CUX1: variants seen among roughly 807,000 people sequenced by gnomAD.
The protein encoded by CUX1 is protein CASP.
CUX1 carries 31 observed loss-of-function variants against 158.8 expected under a neutral mutation model. That is an observed-to-expected ratio of 0.20 (90% CI 0.15 to 0.26). CUX1 has a LOEUF of 0.26. CUX1 is among the 10% of genes least tolerant of loss of function. The pLI is 1.00. For synonymous variants in CUX1, 879 were observed against 862.1 expected (o/e 1.02, Z -0.34); for missense variants, 1,589 against 2,014.6 (o/e 0.79, Z 4.04).
chr7:102,101,807 G>A (rs1829801734), intron 5 of CUX1, among the ~76,000 whole-genome samples: 1 of 152,122 alleles, frequency 6.6e-6, no homozygotes. Context: ...AGCTCTTCGG[G>A]AGACTGAGGC....
intron 2 of CUX1, among the ~76,000 whole-genome samples, chr7:102,004,717 C>T (rs1388691884): frequency 6.6e-6 from 1 of 152,176 alleles, no homozygotes; most frequent in African/African-American, 2.4e-5. Flanking sequence ...GTTCCTTCCA[C>T]GTGGTCTGAT....
intron 2 of CUX1, among the ~76,000 whole-genome samples, chr7:101,986,438 C>A (rs1814304706): frequency 3.3e-5 from 5 of 152,202 alleles, no homozygotes; most frequent in Admixed American, 1.3e-4. Flanking sequence ...GAAACCTGTT[C>A]GTCTCATGAC....
Position 102,097,460 on chromosome 7 carries a change from T to G in CUX1, c.365T>G (p.Leu122Arg). ...ETENQKLRET[L>R]EEYNKEFAEV... ...GAGAACCAGAAACTTAGGGAAACTC[T>G]GGAAGAATACAACAAGGAATTTGCT... The change falls in exon 5 of 24, where the codon CTG (leucine) becomes CGG (arginine). Residue 122 changes from leucine (L) to arginine (R), a missense_variant. Leu to Arg is a moderately radical substitution (Grantham distance 102, BLOSUM62 -2). This residue lies in a region of CUX1 where 515 missense variants were observed against 574.4 expected (regional missense o/e 0.90). Transcript: ENST00000292535. The G allele has an allele frequency of 6.2e-7, 1 of 1,613,164 alleles. No individual in the cohort carries two copies.
chr7:102,201,888 G>A lies in CUX1; in HGVS notation c.2591G>A (p.Arg864Gln), dbSNP rs748035791. The A allele has an allele frequency of 1.6e-5, 26 of 1,613,728 alleles. No homozygotes were observed. The highest frequency in any genetic ancestry group is 1.7e-5 in the Non-Finnish European group (20 of 1,179,930). ...GGCAGCGGAGGTGGCAGCCAGCCTC[G>A]GGCCGAGCGCAGTCAGCTCCAGGGA... The part of the protein sequence containing the change: ...SGGSGGGSQP[R>Q]AERSQLQGPS... Residue 864 changes from arginine (R) to glutamine (Q), a missense_variant, in exon 18 of 24, where the codon CGG (arginine) becomes CAG (glutamine). By Grantham distance (43) the Arg-to-Gln change is conservative (BLOSUM62 1). Transcript: ENST00000292535. The surrounding 1 kb of genome is among the most constrained non-coding windows in gnomAD (Gnocchi z 5.0).
chr7:102,150,935 T>C (rs1225011727), intron 8 of CUX1, among the ~76,000 whole-genome samples: 1 of 152,246 alleles, frequency 6.6e-6, no homozygotes, highest in Non-Finnish European at 1.5e-5. Context: ...ATTTTTATAA[T>C]AAATCATTTT....
Position 101,869,970 on chromosome 7 carries a change from C to G in CUX1, c.31-46145C>G, listed in dbSNP as rs1798314039. On this transcript the variant is annotated intron_variant, in intron 1 of 23. Transcript: ENST00000292535. This position sits in a 1 kb window ranked among gnomAD's most constrained non-coding sequence, Gnocchi z 4.5. Reference sequence around the variant, plus strand: ...CCCTTGGGAAGGCGGCTCCTCGTGCCCCCCCTCTTGTGCCTTCCCTCCCCA... The same window carrying G: ...CCCTTGGGAAGGCGGCTCCTCGTGCGCCCCCTCTTGTGCCTTCCCTCCCCA... 6.6e-6 allele frequency among the ~76,000 whole-genome samples: 1 copy of G among 151,744 alleles called. No individual in the cohort carries two copies.
At chr7:102,006,320 C>A (rs1817372513) in intron 2 of CUX1, among the ~76,000 whole-genome samples, 1 of 152,258 alleles carries the variant, frequency 6.6e-6, no homozygotes, top group African/African-American at 2.4e-5. Context: ...GCTGACCACG[C>A]CTCAGTGCTC....
At chr7:102,125,898 G>A (rs1416133537) in intron 8 of CUX1, 1 of 151,594 alleles carries the variant, frequency 6.6e-6, no homozygotes, top group Non-Finnish European at 1.5e-5. Flanking sequence ...ATATGATCTT[G>A]GCTCACTACA....
At chr7:101,881,405 T>A (rs963490285) in intron 1 of CUX1, among the ~76,000 whole-genome samples, 1 of 152,242 alleles carries the variant, frequency 6.6e-6, no homozygotes, top group African/African-American at 2.4e-5. Context: ...AAGCAGCTTC[T>A]TACCTTCCCA....
At chr7:102,110,573 A>G (rs1381017528) in intron 6 of CUX1, among the ~76,000 whole-genome samples, 76 of 152,212 alleles carry the variant, frequency 5.0e-4, no homozygotes, top group Non-Finnish European at 1.5e-5. Flanking sequence ...TTTATGTTAC[A>G]CTATAGTGTG....
chr7:101,938,940 C>A (rs1352610375), intron 2 of CUX1, among the ~76,000 whole-genome samples: 2 of 150,680 alleles, frequency 1.3e-5, no homozygotes, highest in Non-Finnish European at 3.0e-5. Context: ...ACTTGGGAGG[C>A]TGAGGCAGGA....
chr7:101,985,211 C>T (rs1450064326), intron 2 of CUX1, among the ~76,000 whole-genome samples: 1 of 152,116 alleles, frequency 6.6e-6, no homozygotes, highest in African/African-American at 2.4e-5. Flanking sequence ...TGTGTATACA[C>T]GCTATAGTCT....
intron 20 of CUX1, among the ~76,000 whole-genome samples, chr7:102,221,501 C>T (rs1215082893): frequency 8.5e-5 from 13 of 152,260 alleles, no homozygotes; most frequent in South Asian, 2.1e-4. Flanking sequence ...AACAGTAGAT[C>T]GGAAGAACTG....
At chr7:101,860,793 C>T (rs1482380897) in intron 1 of CUX1, among the ~76,000 whole-genome samples, 4 of 139,162 alleles carry the variant, frequency 2.9e-5, no homozygotes, top group Admixed American at 2.5e-4. Context: ...TCCCTCCTTC[C>T]CCTCTCTTCT....
intron 2 of CUX1, among the ~76,000 whole-genome samples, chr7:101,985,106 T>G (rs1455484045): frequency 1.3e-5 from 2 of 152,232 alleles, no homozygotes; most frequent in African/African-American, 4.8e-5. Context: ...GTTGATGGTT[T>G]AAATTGATGT....
chr7:101,939,093 A>G (rs1292297465), intron 2 of CUX1, among the ~76,000 whole-genome samples: 1 of 64,696 alleles, frequency 1.5e-5, no homozygotes, highest in Non-Finnish European at 3.4e-5. Context: ...ATATATATAT[A>G]TATATATATA....
rs565591227 is a variant in CUX1, at chr7:102,126,499, A to C, written c.674+11226A>C. On this transcript the variant is annotated intron_variant, in intron 8 of 23. Transcript: ENST00000292535. ...GCCTATTTCCATAGTCTTTTTTTCT[A>C]TACAGATTGTTCCTTACAATGGCAT... is the stretch of plus-strand genomic sequence containing the variant. 3.3e-5 allele frequency among the ~76,000 whole-genome samples: 5 copies of C among 152,196 alleles called. No individual in the cohort carries two copies. The East Asian group carries it at 5.8e-4, about 18-fold the overall frequency.
intron 2 of CUX1, among the ~76,000 whole-genome samples, chr7:102,011,673 G>A (rs937327615): frequency 1.3e-5 from 2 of 151,872 alleles, no homozygotes; most frequent in Non-Finnish European, 2.9e-5. Flanking sequence ...GAGCCACCGC[G>A]CCTGGCCTTC....
chr7:101,924,476 G>T (rs758092315), intron 2 of CUX1, among the ~76,000 whole-genome samples: 9 of 152,184 alleles, frequency 5.9e-5, no homozygotes, highest in Non-Finnish European at 1.3e-4. Flanking sequence ...GAGTCAGGTG[G>T]TGAAGTGAGG....
Sources: allele counts gnomAD v4.1 joint callset (sites outside exome capture counted in the v4.1 genomes callset), GRCh38; gene constraint gnomAD v4.1.1; regional missense constraint gnomAD v4.1.1; non-coding constraint Gnocchi (gnomAD v3.1); transcripts MANE v1.5; gene names NCBI Gene and HGNC (gene_info 2026-07-23, HGNC 2026-07-21).